The following COL22A1 variants were observed in gnomAD, a reference collection of about 807,000 sequenced individuals.
The protein encoded by COL22A1 is collagen alpha-1(XXII) chain.
In COL22A1, 221 loss-of-function variants were observed where a neutral mutation model predicts 248.9. That is an observed-to-expected ratio of 0.89 (90% CI 0.80 to 0.99). The LOEUF (loss-of-function observed/expected upper bound fraction) is 0.99. Among genes scored for constraint, COL22A1 ranks in the 50% least tolerant of loss-of-function variants. The pLI is 0.00. For synonymous variants in COL22A1, 891 were observed against 793.4 expected, an observed-to-expected ratio of 1.12 and a Z score of -2.07; for missense variants, 2,240 against 2,179.0, an observed-to-expected ratio of 1.03 and a Z score of -0.56.
At chr8:138,609,717 T>C (rs1394311918) in intron 56 of COL22A1, among the ~76,000 whole-genome samples, 2 of 151,784 alleles carry the variant, frequency 1.3e-5, no homozygotes, top group African/African-American at 4.8e-5. Flanking sequence ...GCAGGGAGGA[T>C]AAGGGCCAAG....
intron 22 of COL22A1, among the ~76,000 whole-genome samples, chr8:138,742,634 GTGATGGTGATGGTGGAGT>G (rs1201708618): frequency 1.3e-5 from 2 of 151,550 alleles, no homozygotes; most frequent in Non-Finnish European, 2.9e-5. Context: ...GGTAGTGATT[GTGATGGTGATGGTGGAGT>G]TGATGGTGAT....
intron 41 of COL22A1, among the ~76,000 whole-genome samples, chr8:138,674,182 G>A (rs116556365): frequency 7.2e-5 from 11 of 152,182 alleles, no homozygotes; most frequent in Non-Finnish European, 1.0e-4. Context: ...CTTAACCAAC[G>A]GATAAAACCA....
intron 22 of COL22A1, among the ~76,000 whole-genome samples, chr8:138,738,613 A>T (rs928951478): frequency 6.6e-6 from 1 of 152,132 alleles, no homozygotes; most frequent in African/African-American, 2.4e-5. Context: ...CCCATTGACG[A>T]GTGTGCAAAT....
At chr8:138,769,846 A>C (rs531186196) in intron 16 of COL22A1, among the ~76,000 whole-genome samples, 232 of 152,298 alleles carry the variant, frequency 1.5e-3, no homozygotes, top group Non-Finnish European at 2.7e-3. Context: ...GGGAGCCAAA[A>C]TGGAAAAGAC....
chr8:138,835,291 A>G (rs1310175851), intron 4 of COL22A1, among the ~76,000 whole-genome samples: 1 of 152,216 alleles, frequency 6.6e-6, no homozygotes, highest in African/African-American at 2.4e-5. Flanking sequence ...TAATTGTTAA[A>G]TGATATTGGG....
At chr8:138,656,070 A>G in intron 44 of COL22A1, 126 bp from the exon 45 acceptor site, 1 of 757,882 alleles carries the variant, frequency 1.3e-6, no homozygotes, top group Non-Finnish European at 2.2e-6. Flanking sequence ...CGTGCGTGGG[A>G]TACGGACAGC....
intron 63 of COL22A1, among the ~76,000 whole-genome samples, chr8:138,591,936 G>A (rs12547491): frequency 0.027 from 4,041 of 152,204 alleles, 73 homozygotes; most frequent in Non-Finnish European, 0.041. Context: ...ACAGAAGTCC[G>A]CATGCATCTC....
chr8:138,665,439 G>T (rs1824417936), intron 41 of COL22A1, among the ~76,000 whole-genome samples: 2 of 152,364 alleles, frequency 1.3e-5, no homozygotes, highest in Admixed American at 1.3e-4. Flanking sequence ...ACCCATCTTT[G>T]TCTGGGATGC....
intron 63 of COL22A1, among the ~76,000 whole-genome samples, chr8:138,592,815 T>G (rs1817196141): frequency 6.6e-6 from 1 of 152,180 alleles, no homozygotes; most frequent in Admixed American, 6.5e-5. Flanking sequence ...AAATTATTAT[T>G]AATTATATAA....
At chr8:138,770,290 C>T (rs1349109831) in intron 16 of COL22A1, among the ~76,000 whole-genome samples, 2 of 152,208 alleles carry the variant, frequency 1.3e-5, no homozygotes, top group Non-Finnish European at 2.9e-5. Context: ...GTGCTTGGCC[C>T]TTTTTGTGTG....
At chr8:138,617,094 C>A in intron 53 of COL22A1, 136 bp from the exon 54 acceptor site, 1 of 873,890 alleles carries the variant, frequency 1.1e-6, no homozygotes, top group Non-Finnish European at 1.9e-6. Flanking sequence ...CTGAGCCCTA[C>A]TTGGTGCCAT....
At chr8:138,902,785 C>CACACACACA (rs1814713775) in intron 1 of COL22A1, among the ~76,000 whole-genome samples, 1 of 145,422 alleles carries the variant, frequency 6.9e-6, no homozygotes, top group African/African-American at 2.6e-5. Flanking sequence ...CACACACACA[C>CACACACACA]TAGAACTGAC....
At chr8:138,889,400 C>G (rs552682048) in intron 1 of COL22A1, among the ~76,000 whole-genome samples, 2 of 152,320 alleles carry the variant, frequency 1.3e-5, no homozygotes, top group Admixed American at 1.3e-4. Flanking sequence ...ATGATGAGTT[C>G]ACGTCCTTTG....
chr8:138,653,783 C>G (rs1032386628), intron 45 of COL22A1, among the ~76,000 whole-genome samples: 1 of 152,146 alleles, frequency 6.6e-6, no homozygotes, highest in Non-Finnish European at 1.5e-5. Flanking sequence ...GCCACCTAGA[C>G]TAGACCAGCA....
chr8:138,911,162 C>T (rs777971322), intron 1 of COL22A1, among the ~76,000 whole-genome samples: 13 of 152,222 alleles, frequency 8.5e-5, no homozygotes, highest in Non-Finnish European at 1.2e-4. Flanking sequence ...GAATCAATCC[C>T]TCTTGTCTTT....
intron 24 of COL22A1, among the ~76,000 whole-genome samples, chr8:138,725,071 G>A: frequency 6.6e-6 from 1 of 152,182 alleles, no homozygotes; most frequent in East Asian, 1.9e-4. Flanking sequence ...CCTCTGTTTT[G>A]CCTCAAAGCC....
chr8:138,764,999 G>A (rs141697535), intron 16 of COL22A1, among the ~76,000 whole-genome samples: 4 of 152,284 alleles, frequency 2.6e-5, no homozygotes, highest in East Asian at 1.9e-4. Flanking sequence ...TTTGCATCAC[G>A]TGACACTTGG....
At chr8:138,757,454 T>A (rs1833107634) in intron 18 of COL22A1, among the ~76,000 whole-genome samples, 1 of 125,536 alleles carries the variant, frequency 8.0e-6, no homozygotes, top group Non-Finnish European at 1.7e-5. Flanking sequence ...TCTCATAATA[T>A]TATTATTATA....
intron 3 of COL22A1, among the ~76,000 whole-genome samples, chr8:138,856,495 A>T (rs535627309): frequency 2.0e-4 from 30 of 152,092 alleles, no homozygotes; most frequent in Non-Finnish European, 4.0e-4. Context: ...AGAGAGCGAG[A>T]GAGACAGAGA....
Sources: allele counts gnomAD v4.1 joint callset (sites outside exome capture counted in the v4.1 genomes callset), GRCh38; gene constraint gnomAD v4.1.1; transcripts MANE v1.5; gene names NCBI Gene and HGNC (gene_info 2026-07-23, HGNC 2026-07-21).